Variants in IQCM observed in about 807,000 individuals in gnomAD.
IQCM encodes the protein IQ motif containing M.
IQCM carries 45 observed loss-of-function variants against 57.6 expected under a neutral mutation model. The observed-to-expected ratio is 0.78, with a 90% confidence interval of 0.62 to 1.00. IQCM has a LOEUF of 1.00. Ranked by LOEUF, IQCM falls within the 50% of genes least tolerant of loss-of-function variation. IQCM has a pLI of 0.00. For synonymous variants in IQCM, 148 were observed against 158.9 expected, an observed-to-expected ratio of 0.93 and a Z score of 0.51; for missense variants, 468 against 511.6, an observed-to-expected ratio of 0.91 and a Z score of 0.82.
intron 12 of IQCM, among the ~76,000 whole-genome samples, chr4:149,478,927 T>C (rs962510631): frequency 1.3e-5 from 2 of 151,920 alleles, no homozygotes; most frequent in African/African-American, 4.8e-5. Flanking sequence ...CAAAATAAAA[T>C]GCAACCACCT....
intron 12 of IQCM, among the ~76,000 whole-genome samples, chr4:149,468,434 G>A (rs892607980): frequency 2.0e-5 from 3 of 152,170 alleles, no homozygotes; most frequent in East Asian, 1.9e-4. Flanking sequence ...GGGGAGGGGC[G>A]TCCGCCATTG....
chr4:149,669,653 A>G (rs531244362), intron 7 of IQCM, among the ~76,000 whole-genome samples: 1 of 152,240 alleles, frequency 6.6e-6, no homozygotes, highest in East Asian at 1.9e-4. Context: ...TAATTTTTGT[A>G]TAAGGTGTAA....
intron 12 of IQCM, among the ~76,000 whole-genome samples, chr4:149,519,949 G>A (rs1745445502): frequency 6.6e-6 from 1 of 152,042 alleles, no homozygotes; most frequent in Admixed American, 6.5e-5. Flanking sequence ...AGCTTGTAGT[G>A]AGGTGAGATC....
rs1756305669 is a variant in IQCM at position 149,621,229 on chromosome 4, T to G, written c.581A>C (p.Asp194Ala). 1.6e-6 allele frequency: 2 copies of G among 1,230,310 alleles called. No homozygotes were observed. The highest frequency in any genetic ancestry group is 3.1e-5 in the African/African-American group (2 of 64,518). The allele number at this position is 1,230,310 out of a possible 1,614,324, so 76.2% of individuals were successfully genotyped here. ...CCTTGTCAGCACAAATCCTCTCCAG[T>G]CATAGAATGCTTTGTCTGTTAGAAA... is the stretch of plus-strand genomic sequence containing the variant. Reference protein sequence around the residue: ...LLKEPDKAFYDWRGFVLTRSF... With the variant: ...LLKEPDKAFYAWRGFVLTRSF... Residue 194 changes from aspartate (D) to alanine (A), a missense_variant, in exon 8 of 14, where the codon GAC (aspartate) becomes GCC (alanine). Physicochemically the swap from Asp to Ala is moderately radical, Grantham distance 126. Transcript: ENST00000636793.
chr4:149,813,369 A>T (rs1387947320), intron 2 of IQCM, among the ~76,000 whole-genome samples: 1 of 152,012 alleles, frequency 6.6e-6, no homozygotes, highest in Non-Finnish European at 1.5e-5. Context: ...AACCCACAAG[A>T]ATGGGAAGAA....
At chr4:149,614,535 C>G (rs921864931) in intron 8 of IQCM, among the ~76,000 whole-genome samples, 2 of 152,062 alleles carry the variant, frequency 1.3e-5, no homozygotes, top group Non-Finnish European at 2.9e-5. Flanking sequence ...ACAATTTTCC[C>G]GCTACCCCTT....
At chr4:149,569,258 G>A (rs1027447470) in intron 9 of IQCM, among the ~76,000 whole-genome samples, 2 of 152,110 alleles carry the variant, frequency 1.3e-5, no homozygotes, top group African/African-American at 4.8e-5. Flanking sequence ...ATATACTTAG[G>A]TTTATACTCA....
chr4:149,591,120 A>G (rs1408268229), intron 8 of IQCM, among the ~76,000 whole-genome samples: 2 of 152,050 alleles, frequency 1.3e-5, no homozygotes, highest in African/African-American at 4.8e-5. Flanking sequence ...TTTTCCCCAC[A>G]TATTTTCTCA....
At chr4:149,729,725 CT>C (rs140143512) in intron 5 of IQCM, among the ~76,000 whole-genome samples, 4,278 of 152,164 alleles carry the variant, frequency 0.028, 191 homozygotes, top group African/African-American at 0.098. Flanking sequence ...CTAAAATCTC[CT>C]TTGCATCTTT....
intron 12 of IQCM, among the ~76,000 whole-genome samples, chr4:149,486,871 T>C (rs1741578541): frequency 6.6e-6 from 1 of 152,098 alleles, no homozygotes. Flanking sequence ...AGAAATGCTG[T>C]CCAAGAGCCT....
chr4:149,493,455 T>G (rs971036622), intron 12 of IQCM, among the ~76,000 whole-genome samples: 1 of 152,074 alleles, frequency 6.6e-6, no homozygotes, highest in African/African-American at 2.4e-5. Context: ...TTATCACAAA[T>G]GTTAATTAAG....
chr4:149,718,435 GAATA>G (rs2149847592), intron 5 of IQCM, among the ~76,000 whole-genome samples: 1 of 152,258 alleles, frequency 6.6e-6, no homozygotes, highest in African/African-American at 2.4e-5. Context: ...TATAGCTGCT[GAATA>G]AATACATGAA....
chr4:149,392,903 G>A (rs1267214294), intron 13 of IQCM, among the ~76,000 whole-genome samples: 3 of 152,004 alleles, frequency 2.0e-5, no homozygotes, highest in South Asian at 2.1e-4. Flanking sequence ...GGGAGTTGTC[G>A]CTCACACCTG....
intron 2 of IQCM, among the ~76,000 whole-genome samples, chr4:149,795,277 G>T (rs1773007854): frequency 6.6e-6 from 1 of 152,140 alleles, no homozygotes; most frequent in African/African-American, 2.4e-5. Flanking sequence ...GCACTTCTGT[G>T]TGCTGGGGGA....
At position 149,553,286 on chromosome 4, in the gene IQCM, G is replaced by A; in HGVS notation, c.950C>T (p.Ala317Val). 8.1e-7 allele frequency: 1 copy of A among 1,231,756 alleles called. No homozygotes were observed. The highest frequency in any genetic ancestry group is 1.0e-6 in the Non-Finnish European group (1 of 987,704). The allele number at this position is 1,231,756 out of a possible 1,614,324, so 76.3% of individuals were successfully genotyped here. A position where few individuals can be genotyped will look rare whatever the true frequency, so the allele number is the denominator to read the frequency against. Reference protein sequence around the residue: ...RKRLQRVMTKALDHGPDMKAV... With the variant: ...RKRLQRVMTKVLDHGPDMKAV... ...TTTCATATCTGGTCCATGATCCAAA[G>A]CCTACAAAGACAGAAAAGCTCCTTA... The change falls in exon 11 of 14, where the codon GCT (alanine) becomes GTT (valine). Residue 317 changes from alanine (A) to valine (V), a missense_variant and splice_region_variant. Transcript: ENST00000636793.
chr4:149,492,612 C>G (rs1439545196), intron 12 of IQCM, among the ~76,000 whole-genome samples: 1 of 152,112 alleles, frequency 6.6e-6, no homozygotes, highest in Admixed American at 6.6e-5. Flanking sequence ...GAACATCTTG[C>G]AAGGCCTACA....
chr4:149,398,051 T>G (rs1732353417), intron 13 of IQCM, among the ~76,000 whole-genome samples: 1 of 152,028 alleles, frequency 6.6e-6, no homozygotes, highest in South Asian at 2.1e-4. Flanking sequence ...CAGTTTTAGG[T>G]CTTACATTGA....
chr4:149,558,978 G>A (rs998204863), intron 10 of IQCM, among the ~76,000 whole-genome samples: 12 of 151,998 alleles, frequency 7.9e-5, no homozygotes, highest in African/African-American at 2.7e-4. Context: ...CTCTACCTTC[G>A]TTCCTTTCTT....
chr4:149,403,415 C>A (rs1434981964), intron 13 of IQCM, among the ~76,000 whole-genome samples: 1 of 151,958 alleles, frequency 6.6e-6, no homozygotes, highest in African/African-American at 2.4e-5. Flanking sequence ...ATAGGATCAT[C>A]ATAGTTATGC....
Sources: gnomAD v4.1 joint callset for allele counts (sites outside exome capture counted in the v4.1 genomes callset) on GRCh38, gnomAD v4.1.1 for gene constraint, MANE v1.5 for transcripts, NCBI Gene and HGNC (gene_info 2026-07-23, HGNC 2026-07-21) for gene names.